Variants in NCKAP5 observed in about 807,000 individuals in gnomAD.
NCKAP5 encodes the protein nck-associated protein 5.
NCKAP5 carries 92 observed loss-of-function variants against 167.0 expected under a neutral mutation model. The ratio of observed to expected loss-of-function variants is 0.55; its 90% confidence interval spans 0.47 to 0.66. The LOEUF (loss-of-function observed/expected upper bound fraction) is 0.66, where lower values mean the gene tolerates loss of function less well. Ranked by LOEUF, NCKAP5 falls within the 30% of genes least tolerant of loss-of-function variation. The pLI is 0.00. For missense variants in NCKAP5, 2,378 were observed against 2,315.0 expected, an observed-to-expected ratio of 1.03 and a Z score of -0.56; for synonymous variants, 891 against 877.4, an observed-to-expected ratio of 1.02 and a Z score of -0.27.
At chr2:133,348,995 A>C (rs1242774718) in intron 3 of NCKAP5, among the ~76,000 whole-genome samples, 1 of 152,206 alleles carries the variant, frequency 6.6e-6, no homozygotes, top group Non-Finnish European at 1.5e-5. Context: ...TGTCCTTCCA[A>C]ATATAACTCT....
chr2:133,324,492 G>T (rs1271186495), intron 3 of NCKAP5, among the ~76,000 whole-genome samples: 1 of 152,124 alleles, frequency 6.6e-6, no homozygotes, highest in East Asian at 1.9e-4. Flanking sequence ...CCTCTCTTTG[G>T]CCTCTGCAGT....
rs1047989718 is a variant in NCKAP5, at chr2:133,380,548, G to A, written c.70-77438C>T. On this transcript the variant is annotated intron_variant, in intron 3 of 19. Coordinates refer to ENST00000409261, the MANE Select transcript of NCKAP5 (RefSeq NM_207363.3). ...TAAATTCATATCAAGAATTTATGGA[G>A]CAGTTGTATTTTTCCAAGGTAAGTA... Among the ~76,000 whole-genome samples, 3 of 152,184 alleles carry A rather than the reference G, an allele frequency of 2.0e-5. No individual in the cohort carries two copies. In the East Asian group the frequency reaches 5.8e-4, roughly 29 times the overall value.
chr2:133,182,908 T>C (rs2084794844), intron 5 of NCKAP5, among the ~76,000 whole-genome samples: 2 of 151,944 alleles, frequency 1.3e-5, no homozygotes, highest in Non-Finnish European at 2.9e-5. Context: ...TTACCAATAG[T>C]AGGAAGAAAA....
At chr2:133,248,410 G>A (rs1477535890) in intron 4 of NCKAP5, among the ~76,000 whole-genome samples, 1 of 152,230 alleles carries the variant, frequency 6.6e-6, no homozygotes, top group Admixed American at 6.5e-5. Flanking sequence ...TTTAGATGGA[G>A]ATCCTGGGCA....
chr2:132,975,288 A>G (rs1432537513), intron 7 of NCKAP5, among the ~76,000 whole-genome samples: 3 of 152,226 alleles, frequency 2.0e-5, no homozygotes, highest in African/African-American at 7.2e-5. Flanking sequence ...TTAAATGTGT[A>G]TGATGGATAA....
At chr2:133,018,745 T>C (rs926755287) in intron 6 of NCKAP5, among the ~76,000 whole-genome samples, 8 of 152,182 alleles carry the variant, frequency 5.3e-5, no homozygotes, top group African/African-American at 1.9e-4. Context: ...TTTTATGCAG[T>C]TTGCTTTTGG....
the NCKAP5 span, among the ~76,000 whole-genome samples, chr2:133,590,523 C>CAAAAA: frequency 1.8e-4 from 16 of 89,644 alleles, no homozygotes; most frequent in Admixed American, 3.7e-4. Flanking sequence ...GACTCTGTCT[C>CAAAAA]AAAAAAAAAA....
chr2:132,711,457 A>G (rs189638089), intron 19 of NCKAP5, among the ~76,000 whole-genome samples: 2 of 152,348 alleles, frequency 1.3e-5, no homozygotes, highest in Admixed American at 6.5e-5. Context: ...GTGGGTGAGA[A>G]TCCGAGGCAC....
chr2:133,414,187 T>C (rs1433620465), intron 3 of NCKAP5, among the ~76,000 whole-genome samples: 1 of 152,202 alleles, frequency 6.6e-6, no homozygotes, highest in African/African-American at 2.4e-5. Flanking sequence ...ATAAATACTC[T>C]GAAATTATTT....
At chr2:133,341,743 C>T (rs1040943198) in intron 3 of NCKAP5, among the ~76,000 whole-genome samples, 5 of 152,176 alleles carry the variant, frequency 3.3e-5, no homozygotes, top group East Asian at 3.9e-4. Flanking sequence ...TATCTCTCCA[C>T]CCACATTGTC....
At chr2:133,030,368 G>A (rs2078840617) in intron 6 of NCKAP5, among the ~76,000 whole-genome samples, 1 of 152,308 alleles carries the variant, frequency 6.6e-6, no homozygotes, top group African/African-American at 2.4e-5. Flanking sequence ...CAGCCCAGCC[G>A]CCGTGTTTGT....
intron 3 of NCKAP5, among the ~76,000 whole-genome samples, chr2:133,429,868 T>G (rs1454691227): frequency 1.3e-5 from 2 of 152,184 alleles, no homozygotes; most frequent in Non-Finnish European, 2.9e-5. Flanking sequence ...AAATGGCAAT[T>G]GTATTTTTAG....
the NCKAP5 span, among the ~76,000 whole-genome samples, chr2:133,636,175 T>C: frequency 6.6e-6 from 1 of 152,170 alleles, no homozygotes; most frequent in African/African-American, 2.4e-5. Context: ...AGGACAAGAA[T>C]AGTCATGAGG....
At chr2:133,347,742 C>T (rs1211726427) in intron 3 of NCKAP5, among the ~76,000 whole-genome samples, 1 of 151,988 alleles carries the variant, frequency 6.6e-6, no homozygotes, top group African/African-American at 2.4e-5. Context: ...TGTATTGGGC[C>T]CCTCTGGGAG....
At chr2:132,718,357 A>G (rs1368872009) in intron 19 of NCKAP5, among the ~76,000 whole-genome samples, 1 of 152,208 alleles carries the variant, frequency 6.6e-6, no homozygotes, top group East Asian at 1.9e-4. Context: ...GAAAGTTTTC[A>G]ACCTTTACTT....
At chr2:133,295,598 A>C (rs1013600288) in intron 4 of NCKAP5, among the ~76,000 whole-genome samples, 1 of 152,202 alleles carries the variant, frequency 6.6e-6, no homozygotes, top group East Asian at 1.9e-4. Flanking sequence ...CTGATGCTCA[A>C]CTGTGAGAGG....
In NCKAP5 at chr2:132,781,860, A is replaced by T. The variant is rs1574185664; in HGVS notation, c.4871+80T>A. ...GAAAAAACATGCTTGACTGGCCTTT[A>T]ATGCACAGGAAGCAAACAACTCTTT... On this transcript the variant is annotated intron_variant, in intron 14 of 19. Transcript: ENST00000409261. 1.9e-5 allele frequency: 26 copies of T among 1,367,052 alleles called. No individual in the cohort carries two copies. The East Asian group carries it at 5.8e-4, about 31-fold the overall frequency. 84.7% of individuals were successfully genotyped at this position (1,367,052 alleles called of 1,614,324 possible).
intron 6 of NCKAP5, among the ~76,000 whole-genome samples, chr2:133,110,141 C>T (rs2149712373): frequency 6.6e-6 from 1 of 152,290 alleles, no homozygotes; most frequent in East Asian, 1.9e-4. Flanking sequence ...CTTAAATGTT[C>T]TCATTTACAG....
intron 3 of NCKAP5, among the ~76,000 whole-genome samples, chr2:133,445,485 C>T (rs1475629424): frequency 2.6e-5 from 4 of 152,146 alleles, no homozygotes; most frequent in Non-Finnish European, 5.9e-5. Context: ...TTTTGTAGAC[C>T]TTGGATCAAA....
Sources: gnomAD v4.1 joint callset for allele counts (sites outside exome capture counted in the v4.1 genomes callset) on GRCh38, gnomAD v4.1.1 for gene constraint, MANE v1.5 for transcripts, NCBI Gene and HGNC (gene_info 2026-07-23, HGNC 2026-07-21) for gene names.